DEXI: variants seen among roughly 807,000 people sequenced by gnomAD.
DEXI encodes the protein Dexi homolog.
A neutral mutation model predicts 2.5 loss-of-function variants in DEXI; 2 were observed. The observed-to-expected ratio is 0.81, with a 90% confidence interval of 0.33 to 2.55. DEXI has a LOEUF of 2.55. DEXI is among the 30% of genes most tolerant of loss of function. DEXI has a pLI of 0.11. For missense variants in DEXI, 108 were observed against 130.3 expected (o/e 0.83, Z 0.83); for synonymous variants, 71 against 68.7 (o/e 1.03, Z -0.17).
chr16:10,933,457 G>T (rs903458253), intron 1 of DEXI: 2 of 152,208 alleles, frequency 1.3e-5, no homozygotes, highest in African/African-American at 4.8e-5. Flanking sequence ...TCTGCATTTA[G>T]CCTGTCTGTG....
chr16:10,942,294 T>A lies in DEXI; in HGVS notation c.-289A>T. ...GCCCGGCTCCCTCGTGGCGCCTCCC[T>A]GGCGCTCGCAGGGCCTCGCAGAGCC... is the stretch of plus-strand genomic sequence containing the variant. On this transcript the variant is annotated 5_prime_UTR_variant, in exon 1 of 2. Transcript: ENST00000331808. The surrounding 1 kb of genome is among the most constrained non-coding windows in gnomAD (Gnocchi z 5.0). 3.3e-6 allele frequency: 1 copy of A among 303,248 alleles called. No individual in the cohort carries two copies. Among genetic ancestry groups the A allele is most frequent in the Non-Finnish European group, 6.1e-6 (1 of 163,252 alleles). The allele number at this position is 303,248 out of a possible 1,614,324, so 18.8% of individuals were successfully genotyped here.
At position 10,937,547 on chromosome 16, in the gene DEXI, C is replaced by G. The variant is rs143270972; in HGVS notation, c.*149+4022G>C. 66 of 152,378 alleles carry G rather than the reference C, an allele frequency of 4.3e-4. No homozygotes were observed. The highest frequency in any genetic ancestry group is 1.3e-3 in the African/African-American group (55 of 41,578). 9.4% of individuals were successfully genotyped at this position (152,378 alleles called of 1,614,324 possible). A position where few individuals can be genotyped will look rare whatever the true frequency, so the allele number is the denominator to read the frequency against. On this transcript the variant is annotated intron_variant, in intron 1 of 1. Transcript: ENST00000331808. The surrounding 1 kb of genome is among the most constrained non-coding windows in gnomAD (Gnocchi z 4.2). The stretch of plus-strand genomic sequence containing the variant: ...GCATCGATAACCCTCAGCTCCAAAT[C>G]TGAGCTGCACCAGGACAAGCTGACT...
intron 1 of DEXI, chr16:10,933,099 C>A (rs1485756307): frequency 6.6e-6 from 1 of 152,210 alleles, no homozygotes; most frequent in African/African-American, 2.4e-5. Context: ...AACCTTCTGA[C>A]ATCATCAGAG....
In DEXI at chr16:10,940,880, G is replaced by T. The variant is rs2041093416; in HGVS notation, c.*149+689C>A. The stretch of plus-strand genomic sequence containing the variant: ...AGCGCTTGCAAACACTGCAGACAAA[G>T]CGAGCCCTGGCACCAGCTCCCTGCC... On this transcript the variant is annotated intron_variant, in intron 1 of 1. Coordinates refer to ENST00000331808, the MANE Select transcript of DEXI (RefSeq NM_014015.4). The surrounding 1 kb of genome is among the most constrained non-coding windows in gnomAD (Gnocchi z 4.2). 6.6e-6 allele frequency: 1 copy of T among 152,296 alleles called. No homozygotes were observed. Among genetic ancestry groups the T allele is most frequent in the African/African-American group, 2.4e-5 (1 of 41,418 alleles). 9.4% of individuals were successfully genotyped at this position (152,296 alleles called of 1,614,324 possible). A position where few individuals can be genotyped will look rare whatever the true frequency, so the allele number is the denominator to read the frequency against.
Position 10,929,498 on chromosome 16 carries a change from C to A in DEXI, c.*211G>T. 5 of 985,710 alleles carry A rather than the reference C, an allele frequency of 5.1e-6. No homozygotes were observed. The highest frequency in any genetic ancestry group is 6.0e-6 in the Non-Finnish European group (5 of 829,964). The allele number at this position is 985,710 out of a possible 1,614,324, so 61.1% of individuals were successfully genotyped here. Reference sequence around the variant, plus strand: ...TCAGCACTCAGTCCCAATCTCTCTTCCACTCTCCTGGGTTCAAACAGGAAC... The same window carrying A: ...TCAGCACTCAGTCCCAATCTCTCTTACACTCTCCTGGGTTCAAACAGGAAC... On this transcript the variant is annotated 3_prime_UTR_variant, in exon 2 of 2. Transcript: ENST00000331808. The surrounding 1 kb of genome is among the most constrained non-coding windows in gnomAD (Gnocchi z 4.3).
chr16:10,930,259 A>G (rs898963850), intron 1 of DEXI: 14 of 152,224 alleles, frequency 9.2e-5, no homozygotes, highest in African/African-American at 3.4e-4. Context: ...TTCACTGAAC[A>G]TCTCGCAGAA....
In DEXI at chr16:10,938,952, A is replaced by G. The variant is rs934147066; in HGVS notation, c.*149+2617T>C. The G allele has an allele frequency of 2.0e-5, 3 of 152,234 alleles. No individual in the cohort carries two copies. The highest frequency in any genetic ancestry group is 7.2e-5 in the African/African-American group (3 of 41,460). 9.4% of individuals were successfully genotyped at this position (152,234 alleles called of 1,614,324 possible). A position where few individuals can be genotyped will look rare whatever the true frequency, so the allele number is the denominator to read the frequency against. On this transcript the variant is annotated intron_variant, in intron 1 of 1. Transcript: ENST00000331808. This position sits in a 1 kb window ranked among gnomAD's most constrained non-coding sequence, Gnocchi z 4.9. ...TCTGTTGATGTGGTAAAGAGATAAA[A>G]TAAGACGTTCCTCACCAAGTTACAC...
In DEXI at chr16:10,929,055, C is replaced by G. The variant is rs1166491484; in HGVS notation, c.*654G>C. The G allele has an allele frequency of 3.6e-6, 1 of 281,158 alleles. No individual in the cohort carries two copies. The highest frequency in any genetic ancestry group is 5.4e-6 in the Non-Finnish European group (1 of 185,864). 17.4% of individuals were successfully genotyped at this position (281,158 alleles called of 1,614,324 possible). A position where few individuals can be genotyped will look rare whatever the true frequency, so the allele number is the denominator to read the frequency against. On this transcript the variant is annotated 3_prime_UTR_variant, in exon 2 of 2. Transcript: ENST00000331808. The surrounding 1 kb of genome is among the most constrained non-coding windows in gnomAD (Gnocchi z 4.3). ...ACCAGCATGATGTCTGTTTTGCCAA[C>G]TTGCTGAAGAACGAGTAACCTGAAA...
rs949773214 is a variant in DEXI at position 10,937,032 on chromosome 16, G to C, written c.*149+4537C>G. On this transcript the variant is annotated intron_variant, in intron 1 of 1. Transcript: ENST00000331808. This position sits in a 1 kb window ranked among gnomAD's most constrained non-coding sequence, Gnocchi z 4.2. The stretch of plus-strand genomic sequence containing the variant: ...GGCAGACCCTGCCTGTTTCTTGGCT[G>C]AAATCTCCAGTTTGTATAATTCAGG... 6.6e-6 allele frequency: 1 copy of C among 152,244 alleles called. No homozygotes were observed. The highest frequency in any genetic ancestry group is 2.4e-5 in the African/African-American group (1 of 41,450). The allele number at this position is 152,244 out of a possible 1,614,324, so 9.4% of individuals were successfully genotyped here.
At position 10,929,223 on chromosome 16, in the gene DEXI, C is replaced by A. The variant is rs990296816; in HGVS notation, c.*486G>T. 1.0e-6 allele frequency: 1 copy of A among 985,766 alleles called. No homozygotes were observed. Among genetic ancestry groups the A allele is most frequent in the Admixed American group, 6.1e-5 (1 of 16,264 alleles). 61.1% of individuals were successfully genotyped at this position (985,766 alleles called of 1,614,324 possible). ...GCCTGAAGGCTCAACTCACATCAAA[C>A]GGAGCTGGGAGTCGCTTTTGCGTGT... On this transcript the variant is annotated 3_prime_UTR_variant, in exon 2 of 2. Coordinates refer to ENST00000331808, the MANE Select transcript of DEXI (RefSeq NM_014015.4). This position sits in a 1 kb window ranked among gnomAD's most constrained non-coding sequence, Gnocchi z 4.3.
chr16:10,935,101 A>C (rs1275136773), intron 1 of DEXI: 1 of 152,284 alleles, frequency 6.6e-6, no homozygotes, highest in Non-Finnish European at 1.5e-5. Context: ...TGCTACTATT[A>C]TCCCTGTTTT....
Position 10,941,581 on chromosome 16 carries a change from C to CA in DEXI, c.*136dup. 10 of 1,460,098 alleles carry CA rather than the reference C, an allele frequency of 6.8e-6. No individual in the cohort carries two copies. The highest frequency in any genetic ancestry group is 9.0e-6 in the Non-Finnish European group (10 of 1,105,596). 90.4% of individuals were successfully genotyped at this position (1,460,098 alleles called of 1,614,324 possible). Reference sequence around the variant, plus strand: ...AGAGGGCACTTACAGGCCTCGGAGGCAGGGGAGGGTCTCCTCCTGGGGAAC... The same window carrying CA: ...AGAGGGCACTTACAGGCCTCGGAGGCAAGGGGAGGGTCTCCTCCTGGGGAAC... On this transcript the variant is annotated 3_prime_UTR_variant, in exon 1 of 2. Transcript: ENST00000331808. The surrounding 1 kb of genome is among the most constrained non-coding windows in gnomAD (Gnocchi z 6.4).
intron 1 of DEXI, chr16:10,933,002 A>C (rs2040864922): frequency 6.6e-6 from 1 of 152,234 alleles, no homozygotes; most frequent in Non-Finnish European, 1.5e-5. Flanking sequence ...CCACGGATTG[A>C]ACAAGTTTCT....
chr16:10,941,530 C>T lies in DEXI; in HGVS notation c.*149+39G>A. The T allele has an allele frequency of 7.1e-7, 1 of 1,405,102 alleles. No individual in the cohort carries two copies. Among genetic ancestry groups the T allele is most frequent in the Middle Eastern group, 2.7e-4 (1 of 3,762 alleles). 87.0% of individuals were successfully genotyped at this position (1,405,102 alleles called of 1,614,324 possible). ...AATTCCTCCCTCTCCCTTGCTAGCGCCCCAACCCGCCCTCATCCTGTTCAG... is the reference window on the plus strand; with the variant it reads ...AATTCCTCCCTCTCCCTTGCTAGCGTCCCAACCCGCCCTCATCCTGTTCAG... On this transcript the variant is annotated intron_variant, in intron 1 of 1. Transcript: ENST00000331808. This position sits in a 1 kb window ranked among gnomAD's most constrained non-coding sequence, Gnocchi z 6.4.
chr16:10,936,341 A>C (rs1446248488), intron 1 of DEXI: 1 of 152,208 alleles, frequency 6.6e-6, no homozygotes, highest in Non-Finnish European at 1.5e-5. Flanking sequence ...TACTGTGGTT[A>C]TGCAAATTTG....
Position 10,940,278 on chromosome 16 carries a change from C to G in DEXI, c.*149+1291G>C, listed in dbSNP as rs1224555219. On this transcript the variant is annotated intron_variant, in intron 1 of 1. Transcript: ENST00000331808. The surrounding 1 kb of genome is among the most constrained non-coding windows in gnomAD (Gnocchi z 4.2). ...AGGTGATTAGGTCACGAAGGCAGAG[C>G]CTTCATGGGTGGGATTAATGCCCTT... 1 of 152,174 alleles carries G rather than the reference C, an allele frequency of 6.6e-6. No individual in the cohort carries two copies. The highest frequency in any genetic ancestry group is 1.5e-5 in the Non-Finnish European group (1 of 68,048). The allele number at this position is 152,174 out of a possible 1,614,324, so 9.4% of individuals were successfully genotyped here.
intron 1 of DEXI, chr16:10,932,993 C>T (rs967574013): frequency 1.3e-5 from 2 of 152,180 alleles, no homozygotes; most frequent in African/African-American, 4.8e-5. Flanking sequence ...CAGGCCGCAC[C>T]ACGGATTGAA....
At position 10,937,756 on chromosome 16, in the gene DEXI, CT is replaced by C. The variant is rs1477040708; in HGVS notation, c.*149+3812del. On this transcript the variant is annotated intron_variant, in intron 1 of 1. Coordinates refer to ENST00000331808, the MANE Select transcript of DEXI (RefSeq NM_014015.4). The surrounding 1 kb of genome is among the most constrained non-coding windows in gnomAD (Gnocchi z 4.2). Reference sequence around the variant, plus strand: ...GGCTCCCAGGCCAGCCACTGCAGCCCTTTCTCCTGGGAAGGAGGGAGCTCCC... The same window carrying C: ...GGCTCCCAGGCCAGCCACTGCAGCCCTTCTCCTGGGAAGGAGGGAGCTCCC... The C allele has an allele frequency of 6.6e-6, 1 of 152,270 alleles. No homozygotes were observed. Among genetic ancestry groups the C allele is most frequent in the Non-Finnish European group, 1.5e-5 (1 of 68,090 alleles). The allele number at this position is 152,270 out of a possible 1,614,324, so 9.4% of individuals were successfully genotyped here. A position where few individuals can be genotyped will look rare whatever the true frequency, so the allele number is the denominator to read the frequency against.
chr16:10,941,879 A>G lies in DEXI; in HGVS notation c.127T>C (p.Tyr43His). The G allele has an allele frequency of 6.2e-7, 1 of 1,611,900 alleles. No homozygotes were observed. Among genetic ancestry groups the G allele is most frequent in the African/African-American group, 1.3e-5 (1 of 74,992 alleles). ...ACGATGTACTCCATGAGGAAGGCGT[A>G]GTACAGGATCAGCACATTGACGAAG... Reference protein sequence around the residue: ...LFFVNVLILYYAFLMEYIVLN... With the variant: ...LFFVNVLILYHAFLMEYIVLN... Residue 43 changes from tyrosine (Y) to histidine (H), a missense_variant, in exon 1 of 2, where the codon TAC becomes CAC. Physicochemically the swap from Tyr to His is moderately conservative, Grantham distance 83 (BLOSUM62 2). Coordinates refer to ENST00000331808, the MANE Select transcript of DEXI (RefSeq NM_014015.4). This position sits in a 1 kb window ranked among gnomAD's most constrained non-coding sequence, Gnocchi z 6.4.
Sources: gnomAD v4.1 joint callset for allele counts on GRCh38, gnomAD v4.1.1 for gene constraint, Gnocchi (gnomAD v3.1) non-coding constraint, MANE v1.5 for transcripts, NCBI Gene and HGNC (gene_info 2026-07-23, HGNC 2026-07-21) for gene names.